Variants in MDGA2 observed in about 807,000 individuals in gnomAD.
MDGA2 encodes MAM domain containing glycosylphosphatidylinositol anchor 2.
In MDGA2, 40 loss-of-function variants were observed where a neutral mutation model predicts 117.8. That is an observed-to-expected ratio of 0.34 (90% CI 0.26 to 0.44). The LOEUF (loss-of-function observed/expected upper bound fraction) is 0.44, where lower values mean the gene tolerates loss of function less well. Among genes scored for constraint, MDGA2 ranks in the 20% least tolerant of loss-of-function variants. The pLI is 1.00. For missense variants in MDGA2, 1,123 were observed against 1,250.6 expected (o/e 0.90, Z 1.54); for synonymous variants, 452 against 439.0 (o/e 1.03, Z -0.37).
chr14:47,471,448 T>C (rs1029299422), intron 1 of MDGA2, among the ~76,000 whole-genome samples: 1 of 152,146 alleles, frequency 6.6e-6, no homozygotes, highest in Non-Finnish European at 1.5e-5. Flanking sequence ...GAAAAATCAT[T>C]ATATGAACCA....
At chr14:47,595,821 T>G (rs1896532608) in intron 1 of MDGA2, among the ~76,000 whole-genome samples, 1 of 152,202 alleles carries the variant, frequency 6.6e-6, no homozygotes, top group African/African-American at 2.4e-5. Context: ...TGTTCTTATA[T>G]GATTAGGTAG....
intron 1 of MDGA2, among the ~76,000 whole-genome samples, chr14:47,441,576 C>T (rs1176102486): frequency 1.3e-5 from 2 of 152,118 alleles, no homozygotes; most frequent in African/African-American, 4.8e-5. Flanking sequence ...AACAAACTTA[C>T]ATTAAGCATC....
At chr14:47,567,611 G>A (rs1895943431) in intron 1 of MDGA2, among the ~76,000 whole-genome samples, 1 of 152,082 alleles carries the variant, frequency 6.6e-6, no homozygotes, top group Non-Finnish European at 1.5e-5. Context: ...TTTGTGGGAG[G>A]GCTGAACACA....
rs1555335810 is a variant in MDGA2, at chr14:46,931,526, T to TTA, written c.2090-11367_2090-11366insTA. ...CCAATTGCTTTTAGTTTATTTTTGC[T>TTA]TTTTTTTTTTTTTTGAGATGGAGTC... On this transcript the variant is annotated intron_variant, in intron 9 of 16. Coordinates refer to ENST00000399232, the MANE Select transcript of MDGA2 (RefSeq NM_001113498.3). Among the ~76,000 whole-genome samples the TTA allele has an allele frequency of 2.5e-4, 5 of 20,308 alleles. No individual in the cohort carries two copies. The African/African-American group carries it at 3.0e-3, about 12-fold the overall frequency. The allele number at this position is 20,308 out of a possible 152,430, so 13.3% of individuals were successfully genotyped here. A position where few individuals can be genotyped will look rare whatever the true frequency, so the allele number is the denominator to read the frequency against.
chr14:47,530,111 C>G (rs1326714622), intron 1 of MDGA2, among the ~76,000 whole-genome samples: 2 of 152,156 alleles, frequency 1.3e-5, no homozygotes, highest in African/African-American at 4.8e-5. Context: ...CACCAAGATT[C>G]CTATCCCAGG....
At chr14:47,504,674 A>T (rs116476734) in intron 1 of MDGA2, among the ~76,000 whole-genome samples, 1,833 of 152,158 alleles carry the variant, frequency 0.012, 36 homozygotes, top group African/African-American at 0.041. Context: ...GGGCTATCAT[A>T]AAAAAAAGAA....
chr14:47,578,907 G>T (rs188660813), intron 1 of MDGA2, among the ~76,000 whole-genome samples: 2 of 152,180 alleles, frequency 1.3e-5, no homozygotes, highest in East Asian at 3.9e-4. Flanking sequence ...TCTTGCTTTA[G>T]TTGAAAGATT....
intron 2 of MDGA2, among the ~76,000 whole-genome samples, chr14:47,225,822 T>TAA (rs34793510): frequency 3.5e-4 from 53 of 150,918 alleles, no homozygotes; most frequent in East Asian, 2.2e-3. Flanking sequence ...TAATAATAAA[T>TAA]AAAAAAAAAC....
chr14:47,618,323 T>C (rs1279597584), intron 1 of MDGA2, among the ~76,000 whole-genome samples: 1 of 152,216 alleles, frequency 6.6e-6, no homozygotes, highest in Non-Finnish European at 1.5e-5. Flanking sequence ...GTGAATTCTA[T>C]GAAAGTTGGT....
At chr14:47,537,574 TAAAAAAAAAA>T (rs58060138) in intron 1 of MDGA2, among the ~76,000 whole-genome samples, 20 of 36,634 alleles carry the variant, frequency 5.5e-4, no homozygotes, top group Admixed American at 1.7e-3. Context: ...TTCTCTCTGT[TAAAAAAAAAA>T]AAAAAAAAAA....
At chr14:47,224,126 C>T (rs1272903682) in intron 2 of MDGA2, among the ~76,000 whole-genome samples, 1 of 152,074 alleles carries the variant, frequency 6.6e-6, no homozygotes, top group Non-Finnish European at 1.5e-5. Flanking sequence ...AATCCTCTTA[C>T]AATTTAACAT....
intron 11 of MDGA2, among the ~76,000 whole-genome samples, chr14:46,879,289 A>C (rs2138381755): frequency 6.6e-6 from 1 of 152,168 alleles, no homozygotes; most frequent in South Asian, 2.1e-4. Flanking sequence ...TCTCACCAGA[A>C]GCTAACTATG....
intron 1 of MDGA2, among the ~76,000 whole-genome samples, chr14:47,428,412 A>G (rs541538343): frequency 4.3e-4 from 65 of 152,252 alleles, no homozygotes; most frequent in Non-Finnish European, 6.8e-4. Flanking sequence ...TTATCATTCA[A>G]TCTCACCATA....
At chr14:47,014,045 T>C (rs1193727970) in intron 8 of MDGA2, among the ~76,000 whole-genome samples, 1 of 151,872 alleles carries the variant, frequency 6.6e-6, no homozygotes, top group Non-Finnish European at 1.5e-5. Flanking sequence ...TCTGCCCACC[T>C]TGTCCTCCCA....
At chr14:47,318,209 A>C (rs1889866837) in intron 1 of MDGA2, among the ~76,000 whole-genome samples, 1 of 148,568 alleles carries the variant, frequency 6.7e-6, no homozygotes, top group Non-Finnish European at 1.5e-5. Flanking sequence ...AAGAATCTTC[A>C]ATGGTTTTCT....
chr14:46,941,479 GA>G (rs1884998307), intron 9 of MDGA2, among the ~76,000 whole-genome samples: 1 of 152,068 alleles, frequency 6.6e-6, no homozygotes, highest in Admixed American at 6.6e-5. Context: ...CATGCCCTTG[GA>G]ACACACTCTG....
intron 9 of MDGA2, among the ~76,000 whole-genome samples, chr14:46,955,255 T>C (rs1885519027): frequency 6.6e-6 from 1 of 152,008 alleles, no homozygotes; most frequent in Non-Finnish European, 1.5e-5. Flanking sequence ...CAAATGGGCT[T>C]ATTCTAATAA....
At chr14:47,574,011 C>A (rs139829022) in intron 1 of MDGA2, among the ~76,000 whole-genome samples, 25 of 152,142 alleles carry the variant, frequency 1.6e-4, no homozygotes, top group African/African-American at 6.0e-4. Flanking sequence ...ATTCTCTTTT[C>A]TCTTTGTTAT....
At chr14:47,628,323 C>A (rs1222087418) in intron 1 of MDGA2, among the ~76,000 whole-genome samples, 1 of 152,164 alleles carries the variant, frequency 6.6e-6, no homozygotes, top group Non-Finnish European at 1.5e-5. Flanking sequence ...TGTTTCATAT[C>A]TGCCTCTACA....
Sources: allele counts gnomAD v4.1 joint callset (sites outside exome capture counted in the v4.1 genomes callset), GRCh38; gene constraint gnomAD v4.1.1; transcripts MANE v1.5; gene names NCBI Gene and HGNC (gene_info 2026-07-23, HGNC 2026-07-21).